The following ZNF423 variants were observed in gnomAD, a reference collection of about 807,000 sequenced individuals.
ZNF423 encodes the protein Ebf-associated zinc finger protein.
In ZNF423, 12 loss-of-function variants were observed where a neutral mutation model predicts 95.8. The ratio of observed to expected loss-of-function variants is 0.13; its 90% CI spans 0.08 to 0.20. The LOEUF (loss-of-function observed/expected upper bound fraction) is 0.20. ZNF423 is among the 10% of genes least tolerant of loss of function. ZNF423 has a pLI of 1.00. For missense variants in ZNF423, 1,316 were observed against 1,737.1 expected (o/e 0.76, Z 4.31); for synonymous variants, 749 against 711.9 (o/e 1.05, Z -0.83).
intron 1 of ZNF423, among the ~76,000 whole-genome samples, chr16:49,840,812 A>C (rs1022709721): frequency 6.6e-6 from 1 of 152,024 alleles, no homozygotes; most frequent in Non-Finnish European, 1.5e-5. Flanking sequence ...ATGCATGCAC[A>C]CTTATGTGCA....
intron 1 of ZNF423, among the ~76,000 whole-genome samples, chr16:49,829,792 T>C (rs1362665019): frequency 6.6e-6 from 1 of 151,852 alleles, no homozygotes; most frequent in African/African-American, 2.4e-5. Context: ...CAAGAAGAAA[T>C]GTGGGGGCTC....
At chr16:49,528,940 A>G (rs556303372) in intron 5 of ZNF423, among the ~76,000 whole-genome samples, 1 of 152,134 alleles carries the variant, frequency 6.6e-6, no homozygotes, top group South Asian at 2.1e-4. Flanking sequence ...CCCAAGATGC[A>G]GGGTCCGCCG....
intron 2 of ZNF423, among the ~76,000 whole-genome samples, chr16:49,767,912 A>G (rs780464304): frequency 6.6e-6 from 1 of 152,230 alleles, no homozygotes; most frequent in African/African-American, 2.4e-5. Context: ...GGTCCTCCCC[A>G]CTGTCTGTGA....
intron 1 of ZNF423, among the ~76,000 whole-genome samples, chr16:49,833,356 TAC>T (rs2035081621): frequency 6.6e-6 from 1 of 152,336 alleles, no homozygotes; most frequent in East Asian, 1.9e-4. Context: ...CCGGTATTTA[TAC>T]AGTTTCATAA....
intron 3 of ZNF423, among the ~76,000 whole-genome samples, chr16:49,668,628 C>T (rs1339486638): frequency 6.6e-6 from 1 of 152,174 alleles, no homozygotes; most frequent in African/African-American, 2.4e-5. Context: ...GGGAAGGTGG[C>T]AGGAGGGTCA....
At chr16:49,795,379 T>C (rs541876012) in intron 1 of ZNF423, among the ~76,000 whole-genome samples, 2 of 152,282 alleles carry the variant, frequency 1.3e-5, no homozygotes, top group South Asian at 4.1e-4. Context: ...AGCTCCCTCA[T>C]GGCGCTCACA....
intron 7 of ZNF423, among the ~76,000 whole-genome samples, chr16:49,505,615 C>T (rs1391191922): frequency 2.0e-5 from 3 of 152,170 alleles, no homozygotes; most frequent in Non-Finnish European, 4.4e-5. Context: ...GTGCACGCAC[C>T]AGTGATCAAA....
intron 3 of ZNF423, among the ~76,000 whole-genome samples, chr16:49,728,075 C>T (rs1029627695): frequency 6.6e-6 from 1 of 152,194 alleles, no homozygotes; most frequent in African/African-American, 2.4e-5. Flanking sequence ...GTCTGACAGG[C>T]CCCAGTACTC....
At chr16:49,564,633 G>A (rs1171937838) in intron 5 of ZNF423, among the ~76,000 whole-genome samples, 1 of 152,212 alleles carries the variant, frequency 6.6e-6, no homozygotes, top group Non-Finnish European at 1.5e-5. Flanking sequence ...CCAGATCCAA[G>A]AATCACCCTA....
chr16:49,818,377 G>T (rs998656620), intron 1 of ZNF423, among the ~76,000 whole-genome samples: 1 of 152,020 alleles, frequency 6.6e-6, no homozygotes, highest in Non-Finnish European at 1.5e-5. Context: ...CAATACAGTC[G>T]CTACTACCCT....
chr16:49,689,472 T>C (rs773865097), intron 3 of ZNF423, among the ~76,000 whole-genome samples: 3 of 151,902 alleles, frequency 2.0e-5, no homozygotes, highest in Admixed American at 6.6e-5. Flanking sequence ...AAAAAAAGAA[T>C]TTAGGCCAAT....
intron 1 of ZNF423, chr16:49,854,910 G>A (rs1397670472): frequency 1.0e-6 from 1 of 985,038 alleles, no homozygotes; most frequent in African/African-American, 1.7e-5. Context: ...CCTGGGTGTC[G>A]AGGGTGCCGG....
intron 3 of ZNF423, among the ~76,000 whole-genome samples, chr16:49,667,333 C>T (rs1189836410): frequency 6.6e-6 from 1 of 152,216 alleles, no homozygotes; most frequent in Non-Finnish European, 1.5e-5. Context: ...GGTCGGGGCA[C>T]AGCCAGACAA....
chr16:49,593,446 A>T (rs1317419053), intron 5 of ZNF423, among the ~76,000 whole-genome samples: 1 of 151,792 alleles, frequency 6.6e-6, no homozygotes, highest in Non-Finnish European at 1.5e-5. Context: ...AAAAAAAAAA[A>T]ATTTCTCTGC....
In ZNF423 at chr16:49,843,511, T is replaced by C. The variant is rs1005697021; in HGVS notation, c.40+12224A>G. Among the ~76,000 whole-genome samples the C allele has an allele frequency of 7.2e-5, 11 of 152,286 alleles. No homozygotes were observed. The South Asian group carries it at 1.5e-3, about 20-fold the overall frequency. On this transcript the variant is annotated intron_variant, in intron 1 of 7. Coordinates refer to ENST00000563137, the MANE Select transcript of ZNF423 (RefSeq NM_001379286.1). Reference sequence around the variant, plus strand: ...GATACTGATGTGCAACTAACCAAGATTGGAAACTTAACTCATGTAGCTAAC... The same window carrying C: ...GATACTGATGTGCAACTAACCAAGACTGGAAACTTAACTCATGTAGCTAAC...
chr16:49,550,886 C>T (rs1408229235), intron 5 of ZNF423, among the ~76,000 whole-genome samples: 1 of 152,272 alleles, frequency 6.6e-6, no homozygotes, highest in Non-Finnish European at 1.5e-5. Context: ...GAGGCACTGC[C>T]TGCCTGGGAG....
At position 49,603,879 on chromosome 16, in the gene ZNF423, A is replaced by C. The variant is rs1039360387; in HGVS notation, c.3601+22291T>G. On this transcript the variant is annotated intron_variant, in intron 5 of 7. Transcript: ENST00000563137. This position sits in a 1 kb window ranked among gnomAD's most constrained non-coding sequence, Gnocchi z 4.1. ...CTCCCTCCTTCCTCATCCTCCAAGC[A>C]GTCCCCTTGTGGCTTGCCAGGAGCA... is the stretch of plus-strand genomic sequence containing the variant. Among the ~76,000 whole-genome samples, 1 of 152,194 alleles carries C rather than the reference A, an allele frequency of 6.6e-6. No homozygotes were observed.
chr16:49,604,107 A>G (rs1052797959), intron 5 of ZNF423, among the ~76,000 whole-genome samples: 1 of 152,222 alleles, frequency 6.6e-6, no homozygotes, highest in Non-Finnish European at 1.5e-5. Context: ...AACAGAAAGC[A>G]GGCCAGATAA....
At chr16:49,820,907 C>T (rs760148919) in intron 1 of ZNF423, among the ~76,000 whole-genome samples, 4 of 152,180 alleles carry the variant, frequency 2.6e-5, no homozygotes, top group Non-Finnish European at 4.4e-5. Flanking sequence ...CTATGGGTTC[C>T]ATATGTCCAC....
Sources: gnomAD v4.1 joint callset for allele counts (sites outside exome capture counted in the v4.1 genomes callset) on GRCh38, gnomAD v4.1.1 for gene constraint, Gnocchi (gnomAD v3.1) non-coding constraint, MANE v1.5 for transcripts, NCBI Gene and HGNC (gene_info 2026-07-23, HGNC 2026-07-21) for gene names.